Variants in PPIL4 observed in about 807,000 individuals in gnomAD.
PPIL4 encodes the protein peptidylprolyl isomerase like 4, also known as peptidyl-prolyl cis-trans isomerase-like 4.
A neutral mutation model predicts 69.1 loss-of-function variants in PPIL4; 50 were observed. The ratio of observed to expected loss-of-function variants is 0.72; its 90% CI spans 0.58 to 0.92. The LOEUF is 0.92. Ranked by LOEUF, PPIL4 falls within the 40% of genes least tolerant of loss-of-function variation. The pLI is 0.00. For missense variants in PPIL4, 480 were observed against 587.9 expected, an observed-to-expected ratio of 0.82 and a Z score of 1.90; for synonymous variants, 193 against 191.6, an observed-to-expected ratio of 1.01 and a Z score of -0.06.
chr6:149,512,229 G>A lies in PPIL4; in HGVS notation c.1153C>T (p.His385Tyr), dbSNP rs183200782. ...KSSHSHTSKK[H>Y]KKKTHHCSEE... ...GAACAGTGATGGGTTTTCTTCTTGTGTTTTTTACTTGTGTGTGAGTGACTT... is the reference window on the plus strand; with the variant it reads ...GAACAGTGATGGGTTTTCTTCTTGTATTTTTTACTTGTGTGTGAGTGACTT... Residue 385 changes from histidine to tyrosine, a missense_variant, in exon 12 of 13, where the codon CAC becomes TAC. Coordinates refer to ENST00000253329, the MANE Select transcript of PPIL4 (RefSeq NM_139126.4). The A allele has an allele frequency of 6.2e-6, 10 of 1,613,182 alleles. No individual in the cohort carries two copies. The East Asian group carries it at 6.7e-5, about 11-fold the overall frequency.
intron 1 of PPIL4, among the ~76,000 whole-genome samples, chr6:149,542,728 A>C (rs1470449662): frequency 6.6e-6 from 1 of 152,224 alleles, no homozygotes; most frequent in African/African-American, 2.4e-5. Context: ...ACCTCAGGGA[A>C]GGTTAAGGCA....
Position 149,505,369 on chromosome 6 carries a change from C to A in PPIL4, c.*84G>T. ...ATGAAAAAAATAACAAGCTTTGACA[C>A]AAAATCTAAGCATCTGCTTTCCTGG... is the stretch of plus-strand genomic sequence containing the variant. On this transcript the variant is annotated 3_prime_UTR_variant, in exon 13 of 13. Coordinates refer to ENST00000253329, the MANE Select transcript of PPIL4 (RefSeq NM_139126.4). 7.5e-7 allele frequency: 1 copy of A among 1,331,774 alleles called. No individual in the cohort carries two copies. The highest frequency in any genetic ancestry group is 1.0e-6 in the Non-Finnish European group (1 of 967,522). 82.5% of individuals were successfully genotyped at this position (1,331,774 alleles called of 1,614,324 possible).
intron 10 of PPIL4, among the ~76,000 whole-genome samples, chr6:149,519,667 C>T (rs1053786296): frequency 6.6e-6 from 1 of 151,918 alleles, no homozygotes. Flanking sequence ...TCCTTGCCTA[C>T]TTTAGTCACA....
chr6:149,514,986 G>A (rs185635178), intron 11 of PPIL4, among the ~76,000 whole-genome samples: 260 of 151,858 alleles, frequency 1.7e-3, no homozygotes, highest in African/African-American at 6.0e-3. Flanking sequence ...ACAGGCATCC[G>A]CCACCACGCC....
chr6:149,528,107 T>C (rs2115034896), intron 7 of PPIL4, among the ~76,000 whole-genome samples: 1 of 152,276 alleles, frequency 6.6e-6, no homozygotes, highest in South Asian at 2.1e-4. Context: ...AATTTAAAAA[T>C]TAGCCAGGCA....
chr6:149,517,663 GAT>G (rs1361464318), intron 10 of PPIL4: 2 of 414,344 alleles, frequency 4.8e-6, no homozygotes, highest in Non-Finnish European at 8.6e-6. Flanking sequence ...GCCACCTAAC[GAT>G]ATATGTGAAT....
intron 4 of PPIL4, 77 bp downstream of exon 4, chr6:149,540,865 G>T: frequency 1.1e-6 from 1 of 897,180 alleles, no homozygotes; most frequent in Non-Finnish European, 1.8e-6. Context: ...TTACTGGATA[G>T]TTTAAAAAAT....
intron 9 of PPIL4, among the ~76,000 whole-genome samples, chr6:149,522,890 C>T (rs9485399): frequency 6.6e-6 from 1 of 152,156 alleles, no homozygotes; most frequent in Non-Finnish European, 1.5e-5. Flanking sequence ...GGATTACAGG[C>T]GTGAGCCACC....
intron 4 of PPIL4, among the ~76,000 whole-genome samples, chr6:149,538,987 C>T (rs1777320574): frequency 1.3e-5 from 2 of 152,292 alleles, no homozygotes; most frequent in South Asian, 4.1e-4. Context: ...GCTGGGACTA[C>T]TGGCGCCTGC....
At chr6:149,543,584 A>G (rs1777395146) in intron 1 of PPIL4, among the ~76,000 whole-genome samples, 1 of 152,028 alleles carries the variant, frequency 6.6e-6, no homozygotes, top group Admixed American at 6.6e-5. Flanking sequence ...CTGTTTTTTT[A>G]TTCTTTTTTA....
intron 10 of PPIL4, among the ~76,000 whole-genome samples, chr6:149,520,658 T>C (rs906247304): frequency 6.6e-6 from 1 of 151,964 alleles, no homozygotes; most frequent in Non-Finnish European, 1.5e-5. Flanking sequence ...AGGAGTTACA[T>C]CAATTAATAT....
At position 149,521,070 on chromosome 6, in the gene PPIL4, C is replaced by G; in HGVS notation, c.972G>C (p.Trp324Cys). The G allele has an allele frequency of 6.4e-7, 1 of 1,551,004 alleles. No individual in the cohort carries two copies. The highest frequency in any genetic ancestry group is 8.9e-7 in the Non-Finnish European group (1 of 1,128,732). The change falls in exon 10 of 13, where the codon TGG becomes TGC. Residue 324 changes from tryptophan (W) to cysteine (C), a missense_variant. By Grantham distance (215) the Trp-to-Cys change is radical. Coordinates refer to ENST00000253329, the MANE Select transcript of PPIL4 (RefSeq NM_139126.4). ...GATAAACCATCATACCTTTTCCTTT[C>G]CATTTAACCTTTGCAACCGACTGGC... ...DFSQSVAKVK[W>C]KGKGGKYTKS...
intron 11 of PPIL4, among the ~76,000 whole-genome samples, chr6:149,513,664 C>T (rs930944006): frequency 2.0e-5 from 3 of 150,956 alleles, no homozygotes; most frequent in African/African-American, 4.9e-5. Context: ...TACCATACAA[C>T]GATTATAACT....
intron 11 of PPIL4, among the ~76,000 whole-genome samples, chr6:149,515,992 A>C (rs1310028169): frequency 6.6e-6 from 1 of 152,198 alleles, no homozygotes; most frequent in Non-Finnish European, 1.5e-5. Context: ...ATTTATCTGC[A>C]CATCAGACTA....
chr6:149,531,526 C>T (rs1353176465), intron 7 of PPIL4, among the ~76,000 whole-genome samples: 2 of 95,990 alleles, frequency 2.1e-5, no homozygotes, highest in Admixed American at 1.2e-4. Context: ...ACAGAAACTC[C>T]GTCTCAAAAA....
In PPIL4 at chr6:149,541,355, A is replaced by AAATAAATG; in HGVS notation, c.203+11_203+12insCATTTATT. 8.4e-7 allele frequency: 1 copy of AAATAAATG among 1,196,352 alleles called. No individual in the cohort carries two copies. The highest frequency in any genetic ancestry group is 1.7e-5 in the African/African-American group (1 of 60,314). The allele number at this position is 1,196,352 out of a possible 1,614,324, so 74.1% of individuals were successfully genotyped here. A position where few individuals can be genotyped will look rare whatever the true frequency, so the allele number is the denominator to read the frequency against. On this transcript the variant is annotated intron_variant, in intron 3 of 12. Coordinates refer to ENST00000253329, the MANE Select transcript of PPIL4 (RefSeq NM_139126.4). ...TAAATAAATAAATAAATAAATAAAT[A>AAATAAATG]AAACAACTTACCCAAAGATAGACTC... is the stretch of plus-strand genomic sequence containing the variant.
chr6:149,525,823 G>A (rs996994026), intron 8 of PPIL4, among the ~76,000 whole-genome samples: 51 of 152,232 alleles, frequency 3.4e-4, no homozygotes, highest in African/African-American at 1.2e-3. Flanking sequence ...TTTAAAAGCC[G>A]GGCGCAGTGG....
chr6:149,505,258 T>TA lies in PPIL4; in HGVS notation c.*194dup. Reference sequence around the variant, plus strand: ...TTTATGTATAACAATAAAATTAGTGTAAAAAAGTATACAAAGAAAATGTTC... The same window carrying TA: ...TTTATGTATAACAATAAAATTAGTGTAAAAAAAGTATACAAAGAAAATGTTC... On this transcript the variant is annotated 3_prime_UTR_variant, in exon 13 of 13. Transcript: ENST00000253329. 1 of 481,092 alleles carries TA rather than the reference T, an allele frequency of 2.1e-6. No individual in the cohort carries two copies. The highest frequency in any genetic ancestry group is 3.6e-6 in the Non-Finnish European group (1 of 277,716). The allele number at this position is 481,092 out of a possible 1,614,324, so 29.8% of individuals were successfully genotyped here.
intron 7 of PPIL4, among the ~76,000 whole-genome samples, chr6:149,532,483 A>G (rs73604737): frequency 0.027 from 4,102 of 152,266 alleles, 163 homozygotes; most frequent in African/African-American, 0.093. Context: ...TTCAGAGTCA[A>G]TACTCTGAGA....
Sources: gnomAD v4.1 joint callset for allele counts (sites outside exome capture counted in the v4.1 genomes callset) on GRCh38, gnomAD v4.1.1 for gene constraint, MANE v1.5 for transcripts, NCBI Gene and HGNC (gene_info 2026-07-23, HGNC 2026-07-21) for gene names.